The following ACCSL variants were observed in gnomAD, a reference collection of about 807,000 sequenced individuals.
ACCSL encodes 1-aminocyclopropane-1-carboxylate synthase homolog (inactive) like.
ACCSL carries 55 observed loss-of-function variants against 61.7 expected under a neutral mutation model. That is an observed-to-expected ratio of 0.89 (90% CI 0.72 to 1.12). The LOEUF is 1.12. Among genes scored for constraint, ACCSL ranks in the 50% most tolerant of loss-of-function variants. ACCSL has a pLI of 0.00. For missense variants in ACCSL, 632 were observed against 698.0 expected (o/e 0.91, Z 1.07); for synonymous variants, 258 against 264.3 (o/e 0.98, Z 0.23).
chr11:43,972,939 T>G, the ACCSL span, among the ~76,000 whole-genome samples: 3 of 152,172 alleles, frequency 2.0e-5, no homozygotes, highest in Non-Finnish European at 4.4e-5. Flanking sequence ...GCCCAGGAGT[T>G]TGAGACCAGC....
chr11:43,957,908 CG>C, the ACCSL span, among the ~76,000 whole-genome samples: 3 of 152,126 alleles, frequency 2.0e-5, no homozygotes, highest in Non-Finnish European at 4.4e-5. Context: ...CTTGGTCAAG[CG>C]GGGGGTCCAG....
At chr11:43,978,797 T>TTTG in the ACCSL span, among the ~76,000 whole-genome samples, 1 of 146,098 alleles carries the variant, frequency 6.8e-6, no homozygotes, top group Non-Finnish European at 1.5e-5. Flanking sequence ...TTTTTTTTTT[T>TTTG]TTTTTTTTTT....
chr11:43,951,508 C>T, the ACCSL span, among the ~76,000 whole-genome samples: 9 of 152,184 alleles, frequency 5.9e-5, no homozygotes, highest in African/African-American at 2.2e-4. Flanking sequence ...TGGTTATTGG[C>T]ACCTGGAACT....
the ACCSL span, chr11:43,926,464 G>T: frequency 4.4e-6 from 2 of 455,688 alleles, no homozygotes; most frequent in Non-Finnish European, 8.8e-6. Flanking sequence ...GAACGCCTTG[G>T]CCTGCAAGAG....
chr11:43,966,794 T>C, the ACCSL span, among the ~76,000 whole-genome samples: 1 of 152,204 alleles, frequency 6.6e-6, no homozygotes, highest in Non-Finnish European at 1.5e-5. Flanking sequence ...ATTAGGAGGC[T>C]TGGATTTGAC....
chr11:43,967,022 CTA>C, the ACCSL span, among the ~76,000 whole-genome samples: 29 of 152,044 alleles, frequency 1.9e-4, no homozygotes, highest in Non-Finnish European at 2.9e-5. Flanking sequence ...TTTCTTCATT[CTA>C]TCTCATTATA....
chr11:44,039,932 A>G, the ACCSL span, among the ~76,000 whole-genome samples: 1 of 152,228 alleles, frequency 6.6e-6, no homozygotes, highest in Non-Finnish European at 1.5e-5. Flanking sequence ...TCACTTTAGC[A>G]TATCTGCTCC....
chr11:44,047,927 TCCATTCCTGGA>T (rs1441644799), upstream of ACCSL: 5 of 1,346,812 alleles, frequency 3.7e-6, no homozygotes, highest in East Asian at 1.2e-4. Flanking sequence ...TCTGTCTCCA[TCCATTCCTGGA>T]CCTGAGGGTC....
At chr11:43,971,165 T>G in the ACCSL span, among the ~76,000 whole-genome samples, 1 of 151,630 alleles carries the variant, frequency 6.6e-6, no homozygotes, top group East Asian at 1.9e-4. Context: ...AAACCCCACC[T>G]CTACTAAAAA....
the ACCSL span, among the ~76,000 whole-genome samples, chr11:44,005,265 G>A: frequency 6.6e-6 from 1 of 152,078 alleles, no homozygotes; most frequent in Admixed American, 6.5e-5. Context: ...CCCCCTCCCC[G>A]GATTGGCTGA....
chr11:44,055,602 C>T (rs1452557194), intron 9 of ACCSL, among the ~76,000 whole-genome samples: 1 of 152,214 alleles, frequency 6.6e-6, no homozygotes, highest in Non-Finnish European at 1.5e-5. Context: ...GAGGCAGAAC[C>T]TTCTGAAGGG....
At chr11:43,965,271 C>T in the ACCSL span, among the ~76,000 whole-genome samples, 2 of 151,956 alleles carry the variant, frequency 1.3e-5, no homozygotes, top group Non-Finnish European at 2.9e-5. Context: ...ATAATATCAA[C>T]ATACAAAAAG....
chr11:44,032,654 G>A, the ACCSL span, among the ~76,000 whole-genome samples: 1 of 152,130 alleles, frequency 6.6e-6, no homozygotes, highest in Admixed American at 6.5e-5. Flanking sequence ...AGTGGGGAGC[G>A]GGCGGATACG....
the ACCSL span, among the ~76,000 whole-genome samples, chr11:43,967,167 CTTTTTTTTTTT>C: frequency 1.9e-4 from 12 of 62,706 alleles, no homozygotes; most frequent in East Asian, 4.6e-3. Context: ...TCTTCTTCTT[CTTTTTTTTTTT>C]TTTTTTTTTT....
the ACCSL span, among the ~76,000 whole-genome samples, chr11:43,991,741 C>T: frequency 2.0e-5 from 3 of 152,164 alleles, no homozygotes; most frequent in African/African-American, 7.2e-5. Flanking sequence ...CTGCAGTAAG[C>T]TGAGATTGCA....
chr11:43,943,390 G>T, the ACCSL span: 3 of 1,393,238 alleles, frequency 2.2e-6, no homozygotes, highest in Non-Finnish European at 2.8e-6. The surrounding 1 kb of genome is among the most constrained non-coding windows in gnomAD (Gnocchi z 4.8). Context: ...CGGGACCGCC[G>T]CTCCTCGCGC....
the ACCSL span, among the ~76,000 whole-genome samples, chr11:44,007,802 A>C: frequency 6.6e-6 from 1 of 152,156 alleles, no homozygotes; most frequent in African/African-American, 2.4e-5. Context: ...GGATGAAATG[A>C]CCAAGCTCAG....
the ACCSL span, among the ~76,000 whole-genome samples, chr11:43,976,408 C>T: frequency 6.6e-6 from 1 of 152,090 alleles, no homozygotes; most frequent in African/African-American, 2.4e-5. Context: ...CTTATATATC[C>T]CTTATTTTTA....
the ACCSL span, among the ~76,000 whole-genome samples, chr11:43,930,029 C>T: frequency 0.015 from 2,295 of 152,224 alleles, 57 homozygotes; most frequent in African/African-American, 0.053. Flanking sequence ...GAAGAGGAAA[C>T]GCAGAGAAAG....
Sources: allele counts gnomAD v4.1 joint callset (sites outside exome capture counted in the v4.1 genomes callset), GRCh38; gene constraint gnomAD v4.1.1; non-coding constraint Gnocchi (gnomAD v3.1); transcripts MANE v1.5; gene names NCBI Gene and HGNC (gene_info 2026-07-23, HGNC 2026-07-21).